The following C21orf58 variants were observed in gnomAD, a reference collection of about 807,000 sequenced individuals.
The protein encoded by C21orf58 is chromosome 21 open reading frame 58.
In C21orf58, 34 loss-of-function variants were observed where a neutral mutation model predicts 35.8. The ratio of observed to expected loss-of-function variants is 0.95; its 90% CI spans 0.72 to 1.26. C21orf58 has a LOEUF of 1.26. Among genes scored for constraint, C21orf58 ranks in the 50% most tolerant of loss-of-function variants. C21orf58 has a pLI of 0.00. For synonymous variants in C21orf58, 191 were observed against 175.8 expected, an observed-to-expected ratio of 1.09 and a Z score of -0.68; for missense variants, 440 against 414.3, an observed-to-expected ratio of 1.06 and a Z score of -0.54.
intron 5 of C21orf58, among the ~76,000 whole-genome samples, chr21:46,312,303 C>T (rs886672136): frequency 6.6e-6 from 1 of 152,080 alleles, no homozygotes; most frequent in Non-Finnish European, 1.5e-5. Flanking sequence ...ATAGGAGCAA[C>T]CAACACTTGG....
At chr21:46,302,881 C>G (rs534894624) in intron 6 of C21orf58, among the ~76,000 whole-genome samples, 14 of 75,048 alleles carry the variant, frequency 1.9e-4, no homozygotes, top group Non-Finnish European at 3.1e-4. Context: ...CCCGTCTGCA[C>G]ACGGTGCGGG....
intron 6 of C21orf58, among the ~76,000 whole-genome samples, chr21:46,310,268 G>A (rs1229867133): frequency 6.6e-6 from 1 of 152,034 alleles, no homozygotes; most frequent in African/African-American, 2.4e-5. Context: ...CCTGAGGTCA[G>A]GAGTTCGAGA....
intron 1 of C21orf58, 189 bp downstream of exon 1, chr21:46,322,450 A>AC (rs1787573938): frequency 1.0e-6 from 1 of 983,756 alleles, no homozygotes; most frequent in Admixed American, 6.2e-5. Flanking sequence ...TGTAACACGT[A>AC]ACAGTTGTGA....
At chr21:46,304,610 G>A (rs1015260996) in intron 6 of C21orf58, among the ~76,000 whole-genome samples, 1 of 152,218 alleles carries the variant, frequency 6.6e-6, no homozygotes, top group African/African-American at 2.4e-5. Flanking sequence ...AATGAAAAGT[G>A]TGAAAATGCC....
rs2083045690 is a variant in C21orf58 at position 46,318,150 on chromosome 21, A to C, written c.171T>G (p.Phe57Leu). ...TGAWAPAEQF[F>L]PASNRTREGG... The stretch of plus-strand genomic sequence containing the variant: ...CCTCCCTGGTTCTGTTACTCGCAGG[A>C]AAGAACTGCTCAGCAGGAGCCCAAG... Residue 57 changes from phenylalanine to leucine, a missense_variant, in exon 2 of 8, where the codon TTT (phenylalanine) becomes TTG (leucine). Physicochemically the swap from Phe to Leu is conservative, Grantham distance 22 (BLOSUM62 0). Transcript: ENST00000291691. The C allele has an allele frequency of 5.0e-6, 8 of 1,613,118 alleles. No individual in the cohort carries two copies. The highest frequency in any genetic ancestry group is 6.8e-6 in the Non-Finnish European group (8 of 1,180,012).
intron 6 of C21orf58, among the ~76,000 whole-genome samples, chr21:46,303,734 TATATATATATA>T (rs1326920323): frequency 0.017 from 428 of 25,720 alleles, 13 homozygotes; most frequent in Middle Eastern, 0.037. Flanking sequence ...TATATATATA[TATATATATATA>T]TTTTTTTTTT....
At chr21:46,319,287 C>T (rs1302038106) in intron 1 of C21orf58, 2 of 152,418 alleles carry the variant, frequency 1.3e-5, no homozygotes, top group Non-Finnish European at 2.9e-5. Flanking sequence ...TTCAACTCAC[C>T]TTACCCTGGA....
At chr21:46,317,755 G>A (rs1049511596) in intron 2 of C21orf58, among the ~76,000 whole-genome samples, 1 of 152,232 alleles carries the variant, frequency 6.6e-6, no homozygotes, top group Non-Finnish European at 1.5e-5. Flanking sequence ...GGCAGGGGGT[G>A]CAGAGGTGCC....
chr21:46,314,942 C>A, intron 4 of C21orf58, 62 bp from the exon 5 acceptor site: 5 of 1,550,262 alleles, frequency 3.2e-6, no homozygotes, highest in South Asian at 1.2e-5. Flanking sequence ...CACAGAGGCA[C>A]CCCCAGCATC....
intron 1 of C21orf58, among the ~76,000 whole-genome samples, chr21:46,322,170 C>T (rs112630166): frequency 6.6e-6 from 1 of 152,020 alleles, no homozygotes. Flanking sequence ...GCCTGTAATT[C>T]CAGCTGCTCA....
intron 6 of C21orf58, among the ~76,000 whole-genome samples, chr21:46,310,802 A>G (rs2082645542): frequency 6.7e-6 from 1 of 149,298 alleles, no homozygotes; most frequent in Non-Finnish European, 1.5e-5. Flanking sequence ...AAAGTAAGAC[A>G]CTCTCTCTCT....
At chr21:46,308,388 G>A (rs1253043747) in intron 6 of C21orf58, among the ~76,000 whole-genome samples, 1 of 151,966 alleles carries the variant, frequency 6.6e-6, no homozygotes, top group Non-Finnish European at 1.5e-5. Context: ...TTGAACCCGG[G>A]AGGCAGAGGC....
chr21:46,317,431 C>T (rs928867100), intron 2 of C21orf58, 163 bp from the exon 3 acceptor site: 3 of 1,205,878 alleles, frequency 2.5e-6, no homozygotes, highest in East Asian at 2.6e-5. Context: ...CGAGGATCTC[C>T]CTGAGCTGCC....
In C21orf58 at chr21:46,302,739, C is replaced by T. The variant is rs377655709; in HGVS notation, c.722-163G>A. The stretch of plus-strand genomic sequence containing the variant: ...GCACACGGTGCGGGTCCCCGGGGCG[C>T]GCCCTGAGCCCGTCTGCACACGGTG... On this transcript the variant is annotated intron_variant, in intron 6 of 7. Transcript: ENST00000291691. 6.8e-5 allele frequency among the ~76,000 whole-genome samples: 10 copies of T among 147,026 alleles called. No individual in the cohort carries two copies. In the East Asian group the frequency reaches 1.8e-3, roughly 27 times the overall value.
At chr21:46,319,178 TAGG>T (rs1323208473) in intron 1 of C21orf58, 1 of 152,302 alleles carries the variant, frequency 6.6e-6, no homozygotes, top group Non-Finnish European at 1.5e-5. Context: ...GGCTAGCCCG[TAGG>T]AGGTCAGGCT....
intron 1 of C21orf58, among the ~76,000 whole-genome samples, chr21:46,321,758 T>C (rs1252672557): frequency 6.6e-6 from 1 of 152,172 alleles, no homozygotes; most frequent in Non-Finnish European, 1.5e-5. Flanking sequence ...TCTGCCAGTT[T>C]TCTCCACAAT....
intron 5 of C21orf58, chr21:46,312,879 C>T (rs919083835): frequency 4.2e-6 from 2 of 478,700 alleles, no homozygotes; most frequent in Non-Finnish European, 5.4e-6. Flanking sequence ...TACTGTCCTC[C>T]ATCATATACT....
intron 1 of C21orf58, among the ~76,000 whole-genome samples, chr21:46,320,064 C>A (rs1479926947): frequency 6.6e-6 from 1 of 152,012 alleles, no homozygotes; most frequent in African/African-American, 2.4e-5. Context: ...ATAGAGCACC[C>A]TTGATATAAG....
chr21:46,318,410 G>A, intron 1 of C21orf58, 190 bp from the exon 2 acceptor site: 1 of 1,430,566 alleles, frequency 7.0e-7, no homozygotes, highest in Non-Finnish European at 9.1e-7. Flanking sequence ...TGGCCAGCTG[G>A]GCTTCATGGG....
Sources: allele counts gnomAD v4.1 joint callset (sites outside exome capture counted in the v4.1 genomes callset), GRCh38; gene constraint gnomAD v4.1.1; transcripts MANE v1.5; gene names NCBI Gene and HGNC (gene_info 2026-07-23, HGNC 2026-07-21).